The following KICS2 variants were observed in gnomAD, a reference collection of about 807,000 sequenced individuals.
KICS2 encodes the protein KICSTOR complex protein C12orf66.
A neutral mutation model predicts 31.4 loss-of-function variants in KICS2; 13 were observed. That is an observed-to-expected ratio of 0.41 (90% CI 0.27 to 0.66). The LOEUF (loss-of-function observed/expected upper bound fraction) is 0.66, where lower values mean the gene tolerates loss of function less well. KICS2 is among the 30% of genes least tolerant of loss of function. The probability of loss-of-function intolerance (pLI) is 0.28; values close to 1 mark genes in which losing one functional copy is unlikely to be tolerated. For missense variants in KICS2, 455 were observed against 545.4 expected, an observed-to-expected ratio of 0.83 and a Z score of 1.65; for synonymous variants, 209 against 214.8, an observed-to-expected ratio of 0.97 and a Z score of 0.24.
rs2037566930 is a variant in KICS2 at position 64,209,607 on chromosome 12, A to AAAG, written c.521+6070_521+6071insCTT. 2.0e-5 allele frequency among the ~76,000 whole-genome samples: 3 copies of AAAG among 152,178 alleles called. No homozygotes were observed. In the South Asian group the frequency reaches 6.2e-4, roughly 32 times the overall value. On this transcript the variant is annotated intron_variant, in intron 2 of 2. Coordinates refer to ENST00000398055, the MANE Select transcript of KICS2 (RefSeq NM_152440.5). ...ATCTCAAAAATAAAAAAAGTTATAA[A>AAAG]TTTACCAAAAAGGAAGCCTTTTTTA... is the stretch of plus-strand genomic sequence containing the variant.
At position 64,203,088 on chromosome 12, in the gene KICS2, C is replaced by A. The variant is rs867253984; in HGVS notation, c.522-8430G>T. 2.0e-5 allele frequency among the ~76,000 whole-genome samples: 3 copies of A among 152,276 alleles called. No individual in the cohort carries two copies. The South Asian group carries it at 6.2e-4, about 32-fold the overall frequency. On this transcript the variant is annotated intron_variant, in intron 2 of 2. Transcript: ENST00000398055. Reference sequence around the variant, plus strand: ...ATTTCTCAGGAAAACAGACATACAGCCACCCTAGTTTTAAGCTCCTCCCCA... The same window carrying A: ...ATTTCTCAGGAAAACAGACATACAGACACCCTAGTTTTAAGCTCCTCCCCA...
In KICS2 at chr12:64,193,035, A is replaced by G. The variant is rs1007193660; in HGVS notation, c.*807T>C. The G allele has an allele frequency of 3.2e-5, 32 of 985,378 alleles. No individual in the cohort carries two copies. Among genetic ancestry groups the G allele is most frequent in the Non-Finnish European group, 3.9e-5 (32 of 829,940 alleles). 61.0% of individuals were successfully genotyped at this position (985,378 alleles called of 1,614,324 possible). A position where few individuals can be genotyped will look rare whatever the true frequency, so the allele number is the denominator to read the frequency against. On this transcript the variant is annotated 3_prime_UTR_variant, in exon 3 of 3. Transcript: ENST00000398055. ...AACCAAGGAGTAGAGCCAAACATGT[A>G]CATTTCAGCAGAAAAGTGATAAACA...
chr12:64,209,110 G>A (rs1307459825), intron 2 of KICS2, among the ~76,000 whole-genome samples: 2 of 151,942 alleles, frequency 1.3e-5, no homozygotes, highest in African/African-American at 4.8e-5. Context: ...AAGTACTCAA[G>A]GAATAGCAGA....
At chr12:64,202,478 T>G (rs2037499173) in intron 2 of KICS2, among the ~76,000 whole-genome samples, 1 of 151,942 alleles carries the variant, frequency 6.6e-6, no homozygotes, top group Non-Finnish European at 1.5e-5. Context: ...CACACATAAA[T>G]ATTTTATTTC....
At chr12:64,187,699 A>C, downstream of KICS2, 1 of 1,493,958 alleles carries the variant, frequency 6.7e-7, no homozygotes, top group Non-Finnish European at 9.0e-7. Flanking sequence ...TTAAACCTAC[A>C]GGGCTTTTGT....
At position 64,193,889 on chromosome 12, in the gene KICS2, T is replaced by C. The variant is rs1419144116; in HGVS notation, c.1291A>G (p.Lys431Glu). The C allele has an allele frequency of 6.2e-7, 1 of 1,614,192 alleles. No homozygotes were observed. The highest frequency in any genetic ancestry group is 8.5e-7 in the Non-Finnish European group (1 of 1,180,040). ...SFLNEVSLAL[K>E]NPKVFASLKP... is the part of the protein sequence containing the mutation. Reference sequence around the variant, plus strand: ...AGACTTGCAAACACTTTGGGGTTCTTAAGGGCAAGTGAGACCTCATTGAGG... The same window carrying C: ...AGACTTGCAAACACTTTGGGGTTCTCAAGGGCAAGTGAGACCTCATTGAGG... The change falls in exon 3 of 3, where the codon AAG becomes GAG. Residue 431 changes from lysine (K) to glutamate (E), a missense_variant. Physicochemically the swap from Lys to Glu is moderately conservative, Grantham distance 56 (BLOSUM62 1). Coordinates refer to ENST00000398055, the MANE Select transcript of KICS2 (RefSeq NM_152440.5).
chr12:64,215,653 CT>C, intron 2 of KICS2, 24 bp downstream of exon 2: 1 of 1,589,136 alleles, frequency 6.3e-7, no homozygotes, highest in Non-Finnish European at 8.6e-7. Context: ...GCCACGCTTT[CT>C]CCCTCCCTCC....
At chr12:64,205,471 G>C (rs1202457127) in intron 2 of KICS2, among the ~76,000 whole-genome samples, 1 of 152,140 alleles carries the variant, frequency 6.6e-6, no homozygotes, top group Admixed American at 6.5e-5. Context: ...CGTATCATAG[G>C]AGGCTCTGTT....
intron 2 of KICS2, among the ~76,000 whole-genome samples, chr12:64,206,904 C>T (rs1182535432): frequency 6.6e-6 from 1 of 152,032 alleles, no homozygotes; most frequent in Non-Finnish European, 1.5e-5. Context: ...AAATGTTGCT[C>T]AATGAGTACA....
chr12:64,193,494 G>A lies in KICS2; in HGVS notation c.*348C>T, dbSNP rs1021832084. On this transcript the variant is annotated 3_prime_UTR_variant, in exon 3 of 3. Transcript: ENST00000398055. ...GGAAACAGAGAGGCTGTTTGGAATT[G>A]CAGTAGAACACAATGTTTAGAACAA... 33 of 1,026,612 alleles carry A rather than the reference G, an allele frequency of 3.2e-5. No individual in the cohort carries two copies. Among genetic ancestry groups the A allele is most frequent in the Non-Finnish European group, 3.9e-5 (33 of 856,888 alleles). 63.6% of individuals were successfully genotyped at this position (1,026,612 alleles called of 1,614,324 possible). A position where few individuals can be genotyped will look rare whatever the true frequency, so the allele number is the denominator to read the frequency against.
At chr12:64,194,774 G>A (rs949023324) in intron 2 of KICS2, 116 bp from the exon 3 acceptor site, 3 of 1,326,906 alleles carry the variant, frequency 2.3e-6, no homozygotes, top group African/African-American at 3.0e-5. Flanking sequence ...TTCAGGACAG[G>A]GGAAGAAAAG....
intron 1 of KICS2, among the ~76,000 whole-genome samples, chr12:64,216,748 G>A (rs1304199019): frequency 6.6e-6 from 1 of 152,056 alleles, no homozygotes; most frequent in Non-Finnish European, 1.5e-5. Context: ...AGCCAAAAAG[G>A]ATCAAATAGC....
At chr12:64,186,762 C>T (rs1237992765), downstream of KICS2, 1 of 152,148 alleles carries the variant, frequency 6.6e-6, no homozygotes, top group Non-Finnish European at 1.5e-5. Flanking sequence ...TGGCTGGGGC[C>T]AGGTCACCTT....
At chr12:64,210,712 A>G (rs191461701) in intron 2 of KICS2, among the ~76,000 whole-genome samples, 242 of 152,304 alleles carry the variant, frequency 1.6e-3, no homozygotes, top group African/African-American at 4.8e-3. Context: ...AGGCAGTTGA[A>G]GCTGCAGTGA....
At chr12:64,213,339 A>G (rs1195702045) in intron 2 of KICS2, among the ~76,000 whole-genome samples, 1 of 152,122 alleles carries the variant, frequency 6.6e-6, no homozygotes, top group Non-Finnish European at 1.5e-5. Flanking sequence ...ATTTTTAATA[A>G]CAAGCAATGA....
intron 2 of KICS2, among the ~76,000 whole-genome samples, chr12:64,196,498 G>GA (rs988168192): frequency 2.3e-4 from 35 of 150,984 alleles, no homozygotes; most frequent in Admixed American, 1.4e-3. Flanking sequence ...CAACGATGGG[G>GA]AAAAAACAGA....
At chr12:64,219,626 A>G (rs2037660535) in intron 1 of KICS2, among the ~76,000 whole-genome samples, 1 of 152,190 alleles carries the variant, frequency 6.6e-6, no homozygotes, top group Non-Finnish European at 1.5e-5. Flanking sequence ...TTCTCACAAT[A>G]TACACATGAA....
In KICS2 at chr12:64,195,259, C is replaced by G. The variant is rs114157066; in HGVS notation, c.522-601G>C. On this transcript the variant is annotated intron_variant, in intron 2 of 2. Transcript: ENST00000398055. ...TCTGAGTGTATTTTATTTATTCTGGCAATTGTATGACTAAAACAATCATTG... is the reference window on the plus strand; with the variant it reads ...TCTGAGTGTATTTTATTTATTCTGGGAATTGTATGACTAAAACAATCATTG... Among the ~76,000 whole-genome samples, 1,203 of 152,200 alleles carry G rather than the reference C, an allele frequency of 7.9e-3. 17 individuals carry two copies. The highest frequency in any genetic ancestry group is 0.026 in the African/African-American group (1,091 of 41,506).
At chr12:64,195,872 C>T (rs565377054) in intron 2 of KICS2, among the ~76,000 whole-genome samples, 70 of 152,322 alleles carry the variant, frequency 4.6e-4, no homozygotes, top group African/African-American at 1.6e-3. Context: ...CACTCCCACC[C>T]GAATACTGCG....
Sources: gnomAD v4.1 joint callset for allele counts (sites outside exome capture counted in the v4.1 genomes callset) on GRCh38, gnomAD v4.1.1 for gene constraint, MANE v1.5 for transcripts, NCBI Gene and HGNC (gene_info 2026-07-23, HGNC 2026-07-21) for gene names.